Variants in NRG1 observed in about 807,000 individuals in gnomAD.
The protein encoded by NRG1 is neuregulin 1.
NRG1 carries 18 observed loss-of-function variants against 63.8 expected under a neutral mutation model. The observed-to-expected ratio is 0.28, with a 90% CI of 0.19 to 0.42. The LOEUF (loss-of-function observed/expected upper bound fraction) is 0.42. Among genes scored for constraint, NRG1 ranks in the 10% least tolerant of loss-of-function variants. NRG1 has a pLI of 1.00. For missense variants in NRG1, 762 were observed against 814.7 expected (o/e 0.94, Z 0.79); for synonymous variants, 302 against 301.3 (o/e 1.00, Z -0.02).
Position 32,143,413 on chromosome 8 carries a change from C to CA in NRG1, c.38-452409dup, listed in dbSNP as rs1486404799. ...AACAGCAAGAATAATAAAAGTTGTA[C>CA]AAAAAATGTCTGTTCTTCCCCAGAC... On this transcript the variant is annotated intron_variant, in intron 1 of 10. Transcript: ENST00000519301. Among the ~76,000 whole-genome samples, 5 of 152,208 alleles carry CA rather than the reference C, an allele frequency of 3.3e-5. No individual in the cohort carries two copies. In the South Asian group the frequency reaches 6.2e-4, roughly 19 times the overall value.
intron 1 of NRG1, among the ~76,000 whole-genome samples, chr8:32,240,425 G>T (rs910729252): frequency 3.3e-5 from 5 of 152,092 alleles, no homozygotes; most frequent in African/African-American, 1.2e-4. Context: ...GGAGGTGTGT[G>T]TGTCCATAAA....
chr8:31,769,583 G>T (rs1338577345), intron 1 of NRG1, among the ~76,000 whole-genome samples: 2 of 152,180 alleles, frequency 1.3e-5, no homozygotes, highest in Non-Finnish European at 2.9e-5. Flanking sequence ...TATGCCAAAG[G>T]TGCATATTTA....
At chr8:32,361,076 G>T (rs1807141865) in intron 1 of NRG1, among the ~76,000 whole-genome samples, 3 of 152,104 alleles carry the variant, frequency 2.0e-5, no homozygotes, top group African/African-American at 7.2e-5. Flanking sequence ...TAGACCTATT[G>T]TGATGGCCGG....
At chr8:31,798,876 G>A (rs1356885763) in intron 1 of NRG1, among the ~76,000 whole-genome samples, 3 of 151,868 alleles carry the variant, frequency 2.0e-5, no homozygotes, top group Non-Finnish European at 2.9e-5. Context: ...CCTCCATAAA[G>A]TGCCACATCA....
At chr8:32,099,062 G>A (rs909932602) in intron 1 of NRG1, among the ~76,000 whole-genome samples, 4 of 152,190 alleles carry the variant, frequency 2.6e-5, no homozygotes, top group South Asian at 2.1e-4. Flanking sequence ...ATTGATTAGA[G>A]AAAGCATGAA....
chr8:31,729,087 T>C (rs1266911601), intron 1 of NRG1, among the ~76,000 whole-genome samples: 1 of 152,162 alleles, frequency 6.6e-6, no homozygotes. Flanking sequence ...TATATACTTA[T>C]TTACGCACAG....
chr8:31,878,812 C>T (rs1247813567), intron 1 of NRG1, among the ~76,000 whole-genome samples: 1 of 152,144 alleles, frequency 6.6e-6, no homozygotes, highest in Non-Finnish European at 1.5e-5. Flanking sequence ...ACTTCCTCAC[C>T]GTGCAGCTCT....
intron 1 of NRG1, among the ~76,000 whole-genome samples, chr8:32,224,074 T>C (rs1006490081): frequency 6.6e-6 from 1 of 152,082 alleles, no homozygotes; most frequent in Admixed American, 6.6e-5. Flanking sequence ...CAAAATGAGA[T>C]AGTTAAAATT....
At chr8:32,497,244 C>G (rs1039034721) in intron 1 of NRG1, among the ~76,000 whole-genome samples, 1 of 151,884 alleles carries the variant, frequency 6.6e-6, no homozygotes, top group African/African-American at 2.4e-5. Context: ...GTCAGGAGTT[C>G]GAGACCAGCC....
intron 1 of NRG1, among the ~76,000 whole-genome samples, chr8:32,085,094 AG>A: frequency 6.6e-6 from 1 of 152,312 alleles, no homozygotes; most frequent in Non-Finnish European, 1.5e-5. Flanking sequence ...CTTAGTTTGA[AG>A]GAGGGAAAGA....
At chr8:32,148,555 C>T (rs150753891) in intron 1 of NRG1, among the ~76,000 whole-genome samples, 4,309 of 152,232 alleles carry the variant, frequency 0.028, 200 homozygotes, top group African/African-American at 0.094. Flanking sequence ...CCCACCACCA[C>T]GCCCGGCTAA....
intron 1 of NRG1, among the ~76,000 whole-genome samples, chr8:32,025,298 A>C (rs1047286103): frequency 6.6e-6 from 1 of 152,212 alleles, no homozygotes; most frequent in African/African-American, 2.4e-5. Context: ...AGAAAAAAAA[A>C]GTCTCAAACC....
chr8:32,460,906 C>T (rs1822231503), intron 1 of NRG1, among the ~76,000 whole-genome samples: 1 of 152,032 alleles, frequency 6.6e-6, no homozygotes, highest in African/African-American at 2.4e-5. Flanking sequence ...GCATAGACAA[C>T]ACAAAAGACT....
intron 1 of NRG1, among the ~76,000 whole-genome samples, chr8:31,715,314 G>A (rs1394359948): frequency 1.3e-5 from 2 of 152,050 alleles, no homozygotes; most frequent in Non-Finnish European, 2.9e-5. Context: ...ATTGACTAAT[G>A]CTTAAAAATA....
chr8:31,693,982 A>T (rs1809795860), intron 1 of NRG1, among the ~76,000 whole-genome samples: 1 of 152,004 alleles, frequency 6.6e-6, no homozygotes, highest in East Asian at 1.9e-4. Context: ...GGACTATAGG[A>T]GTGTGCCACC....
At chr8:32,442,083 C>G (rs1819624608) in intron 1 of NRG1, among the ~76,000 whole-genome samples, 1 of 152,046 alleles carries the variant, frequency 6.6e-6, no homozygotes. Context: ...AAGGATTAAT[C>G]CTGTTTTCTA....
At chr8:32,032,342 C>A (rs1818389715) in intron 1 of NRG1, among the ~76,000 whole-genome samples, 1 of 152,016 alleles carries the variant, frequency 6.6e-6, no homozygotes, top group Non-Finnish European at 1.5e-5. Context: ...TAGCTCACCG[C>A]AATCTCCACC....
intron 1 of NRG1, among the ~76,000 whole-genome samples, chr8:32,504,074 C>T (rs1428665281): frequency 6.6e-6 from 1 of 152,162 alleles, no homozygotes; most frequent in Non-Finnish European, 1.5e-5. Flanking sequence ...AGAGGAAGGT[C>T]ATCCGCCATT....
At chr8:32,056,913 G>A (rs1823040359) in intron 1 of NRG1, among the ~76,000 whole-genome samples, 1 of 152,152 alleles carries the variant, frequency 6.6e-6, no homozygotes. Context: ...ATAAAGAGAT[G>A]ATTTGGGAAA....
Sources: gnomAD v4.1 joint callset for allele counts (sites outside exome capture counted in the v4.1 genomes callset) on GRCh38, gnomAD v4.1.1 for gene constraint, MANE v1.5 for transcripts, NCBI Gene and HGNC (gene_info 2026-07-23, HGNC 2026-07-21) for gene names.